Variants in PHF8 observed in about 807,000 individuals in gnomAD.
The protein encoded by PHF8 is histone lysine demethylase PHF8.
Under a neutral mutation model 74.4 loss-of-function variants are expected in PHF8, and 9 were observed. The observed-to-expected ratio is 0.12, with a 90% CI of 0.07 to 0.21. The LOEUF is 0.21. PHF8 is among the 10% of genes least tolerant of loss of function. The pLI is 1.00. For synonymous variants in PHF8, 311 were observed against 316.6 expected (o/e 0.98, Z 0.19); for missense variants, 478 against 816.6 (o/e 0.59, Z 5.05).
chrX:53,972,386 T>A (rs2065308839), intron 18 of PHF8, among the ~76,000 whole-genome samples: 2 of 100,595 alleles, frequency 2.0e-5, no homozygotes, highest in Non-Finnish European at 4.1e-5. Flanking sequence ...TGAACACTGA[T>A]GCAAAAATCC....
At chrX:54,011,457 G>A (rs1360357312) in intron 7 of PHF8, among the ~76,000 whole-genome samples, 173 bp from the exon 8 acceptor site, 2 of 112,500 alleles carry the variant, frequency 1.8e-5, no homozygotes, top group Non-Finnish European at 3.8e-5. Context: ...AACTTCAAAA[G>A]GTCACTTTGC....
Position 54,009,844 on chromosome X carries a change from G to GGAAAAAAAAAAAAA in PHF8, c.946+1277_946+1278insTTTTTTTTTTTTTC, listed in dbSNP as rs2065952773. ...GGTGACAGAGTGAGACTCTGTCTCA[G>GGAAAAAAAAAAAAA]AAAAAAAAAAAAAAAAAAAAAAAAA... On this transcript the variant is annotated intron_variant, in intron 8 of 21. Transcript: ENST00000338154. Among the ~76,000 whole-genome samples, 64 of 9,390 alleles carry GGAAAAAAAAAAAAA rather than the reference G, an allele frequency of 6.8e-3. 6 individuals carry two copies. The highest frequency in any genetic ancestry group is 0.019 in the South Asian group (1 of 52). The allele number at this position is 9,390 out of a possible 115,157, so 8.2% of individuals were successfully genotyped here. A position where few individuals can be genotyped will look rare whatever the true frequency, so the allele number is the denominator to read the frequency against.
rs2064734463 is a variant in PHF8, at chrX:53,940,477, T to G, written c.2689A>C (p.Lys897Gln). ...TGTTCTACCTCCTTCAGCAAAGGCT[T>G]CTTCTTGATATATTTCTTCTTTTGG... is the stretch of plus-strand genomic sequence containing the variant. ...KAQKKKYIKK[K>Q]PLLKEVEQPR... The change falls in exon 21 of 22, where the codon AAG (lysine) becomes CAG (glutamine). Residue 897 changes from lysine (K) to glutamine (Q), a missense_variant. Physicochemically the swap from Lys to Gln is moderately conservative, Grantham distance 53. Transcript: ENST00000338154. The G allele has an allele frequency of 8.3e-7, 1 of 1,206,765 alleles. No homozygotes were observed. The highest frequency in any genetic ancestry group is 1.1e-6 in the Non-Finnish European group (1 of 892,951).
chrX:54,026,796 G>A (rs1557111539), intron 2 of PHF8, among the ~76,000 whole-genome samples: 1 of 109,832 alleles, frequency 9.1e-6, no homozygotes, highest in Non-Finnish European at 1.9e-5. Context: ...ATAGAGAGGG[G>A]GTCTTGCTTT....
At chrX:53,992,429 TTTAGTAAGTATGCTATAC>T (rs2149838172) in intron 14 of PHF8, among the ~76,000 whole-genome samples, 1 of 111,830 alleles carries the variant, frequency 8.9e-6, no homozygotes, top group Admixed American at 9.5e-5. Context: ...AACTAATGCT[TTTAGTAAGTATGCTATAC>T]TTATTGCTGC....
At chrX:53,944,328 G>A in intron 19 of PHF8, 85 bp from the exon 20 acceptor site, 1 of 686,016 alleles carries the variant, frequency 1.5e-6, no homozygotes, top group Non-Finnish European at 2.3e-6. Flanking sequence ...CTCTCCAAAG[G>A]TACTCTCATT....
chrX:54,047,470 T>C (rs1557117639), upstream of PHF8, among the ~76,000 whole-genome samples: 1 of 112,120 alleles, frequency 8.9e-6, no homozygotes, highest in Non-Finnish European at 1.9e-5. Context: ...CATCATGCAC[T>C]GTGCTAGGTG....
intron 21 of PHF8, 42 bp downstream of exon 21, chrX:53,940,138 G>A (rs2064727279): frequency 9.6e-7 from 1 of 1,042,391 alleles, no homozygotes. Flanking sequence ...AGGGCAGGTG[G>A]CTCTAAGATC....
rs2066190565 is a variant in PHF8, at chrX:54,022,249, G to T, written c.293+10C>A. The stretch of plus-strand genomic sequence containing the variant: ...GGCATTCACCAGCCACTGGAGGCAG[G>T]GTTCCTCACCTGTCAAAAGTCCTAC... On this transcript the variant is annotated intron_variant, in intron 4 of 21. Transcript: ENST00000338154. The T allele has an allele frequency of 7.6e-6, 8 of 1,058,817 alleles. No individual in the cohort carries two copies. The African/African-American group carries it at 1.1e-4, about 14-fold the overall frequency. The allele number at this position is 1,058,817 out of a possible 1,213,427, so 87.3% of individuals were successfully genotyped here.
chrX:53,943,052 T>C, intron 20 of PHF8: 1 of 795,673 alleles, frequency 1.3e-6, no homozygotes, highest in Non-Finnish European at 1.5e-6. Flanking sequence ...AAACCTCTTC[T>C]TTGAGGTTAT....
chrX:53,970,225 T>A (rs1557094175), intron 18 of PHF8, among the ~76,000 whole-genome samples: 1 of 111,957 alleles, frequency 8.9e-6, no homozygotes, highest in Non-Finnish European at 1.9e-5. Flanking sequence ...CTGCAAACTA[T>A]CCATCTGACA....
chrX:53,943,357 G>T, intron 20 of PHF8: 1 of 850,506 alleles, frequency 1.2e-6, no homozygotes, highest in Non-Finnish European at 1.7e-6. Flanking sequence ...TCCATTTACT[G>T]GCTGTATTAT....
intron 18 of PHF8, among the ~76,000 whole-genome samples, chrX:53,977,715 C>T (rs2065403535): frequency 9.4e-6 from 1 of 106,323 alleles, no homozygotes; most frequent in African/African-American, 3.4e-5. Context: ...GGTGCGATCT[C>T]GGCTCACTGC....
chrX:53,968,215 T>C (rs1557093634), intron 18 of PHF8, among the ~76,000 whole-genome samples: 2 of 111,880 alleles, frequency 1.8e-5, no homozygotes, highest in Non-Finnish European at 1.9e-5. Context: ...ACTAAATGTT[T>C]ACATTAGAAA....
intron 18 of PHF8, among the ~76,000 whole-genome samples, chrX:53,977,740 G>C (rs1341565565): frequency 9.5e-6 from 1 of 105,630 alleles, no homozygotes; most frequent in Non-Finnish European, 1.9e-5. Context: ...TCCGACTCCT[G>C]GGTTCACGCC....
rs377518363 is a variant in PHF8 at position 53,962,978 on chromosome X, A to G, written c.2444-39T>C. On this transcript the variant is annotated intron_variant, in intron 18 of 21. Transcript: ENST00000338154. ...GGAAAACAGGGTAAAATGAGATTTC[A>G]TCCAAAGGGTGAAGATAGAATGACA... 5.9e-6 allele frequency: 5 copies of G among 842,713 alleles called. No individual in the cohort carries two copies. The African/African-American group carries it at 1.0e-4, about 17-fold the overall frequency. 69.4% of individuals were successfully genotyped at this position (842,713 alleles called of 1,213,427 possible). A position where few individuals can be genotyped will look rare whatever the true frequency, so the allele number is the denominator to read the frequency against.
At position 53,998,463 on chromosome X, in the gene PHF8, TAAATAAAATAAAATA is replaced by T. The variant is rs373368055; in HGVS notation, c.1233+1392_1233+1406del. Among the ~76,000 whole-genome samples, 344 of 109,160 alleles carry T rather than the reference TAAATAAAATAAAATA, an allele frequency of 3.2e-3. 3 individuals are homozygous for T. Among genetic ancestry groups the T allele is most frequent in the African/African-American group, 0.011 (322 of 29,888 alleles). The allele number at this position is 109,160 out of a possible 115,157, so 94.8% of individuals were successfully genotyped here. On this transcript the variant is annotated intron_variant, in intron 11 of 21. Transcript: ENST00000338154. ...AGTGAGGTTCTGTCTCATAAATAAATAAATAAAATAAAATAAAATAAAATAAAATGATATTGAAAA... is the reference window on the plus strand; with the variant it reads ...AGTGAGGTTCTGTCTCATAAATAAATAAATAAAATAAAATGATATTGAAAA...
At chrX:54,021,394 TATACCCACGTAAAC>T (rs2066167347) in intron 4 of PHF8, among the ~76,000 whole-genome samples, 2 of 106,170 alleles carry the variant, frequency 1.9e-5, no homozygotes, top group Admixed American at 1.0e-4. Context: ...ACACATGCAA[TATACCCACGTAAAC>T]AAACCTGCAC....
intron 18 of PHF8, among the ~76,000 whole-genome samples, chrX:53,975,299 G>T (rs2065355678): frequency 8.9e-6 from 1 of 112,051 alleles, no homozygotes; most frequent in African/African-American, 3.2e-5. Flanking sequence ...AACTATCATA[G>T]AAAACAGTAT....
Sources: allele counts gnomAD v4.1 joint callset (sites outside exome capture counted in the v4.1 genomes callset), GRCh38; gene constraint gnomAD v4.1.1; transcripts MANE v1.5; gene names NCBI Gene and HGNC (gene_info 2026-07-23, HGNC 2026-07-21).